Variants in LRP1B observed in about 807,000 individuals in gnomAD.
The protein encoded by LRP1B is low-density lipoprotein receptor-related protein 1B.
A neutral mutation model predicts 556.6 loss-of-function variants in LRP1B; 217 were observed. That is an observed-to-expected ratio of 0.39 (90% CI 0.35 to 0.44). The LOEUF (loss-of-function observed/expected upper bound fraction) is 0.44. LRP1B is among the 20% of genes least tolerant of loss of function. The pLI is 1.00. For missense variants in LRP1B, 5,053 were observed against 5,620.8 expected (o/e 0.90, Z 3.23); for synonymous variants, 2,047 against 1,865.8 (o/e 1.10, Z -2.50).
At chr2:141,858,658 A>T (rs1226943350) in intron 1 of LRP1B, among the ~76,000 whole-genome samples, 1 of 152,136 alleles carries the variant, frequency 6.6e-6, no homozygotes, top group Non-Finnish European at 1.5e-5. Flanking sequence ...AACAATAAGA[A>T]TAAGAACAAC....
chr2:141,864,806 C>T (rs935558040), intron 1 of LRP1B, among the ~76,000 whole-genome samples: 1 of 152,058 alleles, frequency 6.6e-6, no homozygotes, highest in Admixed American at 6.5e-5. Context: ...CACTTGAATC[C>T]AGGAGGCGGA....
At chr2:141,005,914 T>G (rs1275760186) in intron 14 of LRP1B, among the ~76,000 whole-genome samples, 1 of 151,952 alleles carries the variant, frequency 6.6e-6, no homozygotes, top group African/African-American at 2.4e-5. Flanking sequence ...GGCAGTGTAT[T>G]GAGGACTCCA....
chr2:141,573,312 A>G (rs1284186996), intron 2 of LRP1B, among the ~76,000 whole-genome samples: 1 of 152,194 alleles, frequency 6.6e-6, no homozygotes, highest in African/African-American at 2.4e-5. Flanking sequence ...ACACAGTTAC[A>G]TGGAAATTGA....
chr2:142,066,829 G>A (rs1299504120), intron 1 of LRP1B, among the ~76,000 whole-genome samples: 1 of 151,422 alleles, frequency 6.6e-6, no homozygotes, highest in Non-Finnish European at 1.5e-5. Flanking sequence ...ATTTGTATTT[G>A]TTCCCTATTT....
rs574289643 is a variant in LRP1B, at chr2:140,340,445, T to G, written c.11893-4607A>C. On this transcript the variant is annotated intron_variant, in intron 77 of 90. Coordinates refer to ENST00000389484, the MANE Select transcript of LRP1B (RefSeq NM_018557.3). Reference sequence around the variant, plus strand: ...TAATTGCTCATTTTTAGGCATTAGTTAGTGAGTGAATAATTTGTTGGTGCT... The same window carrying G: ...TAATTGCTCATTTTTAGGCATTAGTGAGTGAGTGAATAATTTGTTGGTGCT... Among the ~76,000 whole-genome samples the G allele has an allele frequency of 4.0e-5, 6 of 151,662 alleles. No homozygotes were observed. The South Asian group carries it at 1.0e-3, about 26-fold the overall frequency.
chr2:140,247,185 CA>C, intron 86 of LRP1B, 23 bp from the exon 87 acceptor site: 4 of 1,551,660 alleles, frequency 2.6e-6, no homozygotes, highest in Non-Finnish European at 3.6e-6. Flanking sequence ...AAACAACAAA[CA>C]AAACAGATCA....
chr2:141,708,686 G>GCCCTAGCA (rs1553451918), intron 2 of LRP1B, among the ~76,000 whole-genome samples: 1 of 151,280 alleles, frequency 6.6e-6, no homozygotes, highest in Non-Finnish European at 1.5e-5. Flanking sequence ...GTATTTTTAT[G>GCCCTAGCA]CATCAGAATG....
chr2:141,469,452 A>G (rs1304782311), intron 3 of LRP1B, among the ~76,000 whole-genome samples: 1 of 152,168 alleles, frequency 6.6e-6, no homozygotes, highest in Non-Finnish European at 1.5e-5. Context: ...GAGGCTAGAA[A>G]GTCCAAGATC....
chr2:141,741,941 C>T (rs1302586914), intron 2 of LRP1B, among the ~76,000 whole-genome samples: 2 of 152,102 alleles, frequency 1.3e-5, no homozygotes, highest in African/African-American at 4.8e-5. Flanking sequence ...AGATTTAAGT[C>T]TTTAATACAT....
In LRP1B at chr2:141,013,633, G is replaced by C. The variant is rs753131613; in HGVS notation, c.2303C>G (p.Thr768Arg). The change falls in exon 14 of 91, where the codon ACA (threonine) becomes AGA (arginine). Residue 768 changes from threonine to arginine, a missense_variant. By Grantham distance (71) the Thr-to-Arg change is moderately conservative (BLOSUM62 -1). Transcript: ENST00000389484. ...NGSIFQLDLI[T>R]SEVTLLRHER... ...ATGCCTCAGCAATGTCACCTCACTT[G>C]TTATCAAATCTAGTTGAAAAATGGA... 4 of 1,612,318 alleles carry C rather than the reference G, an allele frequency of 2.5e-6. No homozygotes were observed. Among genetic ancestry groups the C allele is most frequent in the Non-Finnish European group, 3.4e-6 (4 of 1,179,004 alleles).
intron 1 of LRP1B, among the ~76,000 whole-genome samples, chr2:141,921,201 A>G (rs907329767): frequency 1.3e-5 from 2 of 152,074 alleles, no homozygotes; most frequent in Non-Finnish European, 2.9e-5. Context: ...CAGTAAAAGA[A>G]ACTGCATTTT....
intron 90 of LRP1B, 56 bp from the exon 91 acceptor site, chr2:140,233,382 AT>A: frequency 7.9e-7 from 1 of 1,258,296 alleles, no homozygotes. Flanking sequence ...CACATTAATT[AT>A]TTACTTCCTA....
At chr2:140,370,634 A>G (rs983205595) in intron 71 of LRP1B, 76 bp downstream of exon 71, 13 of 1,554,818 alleles carry the variant, frequency 8.4e-6, no homozygotes, top group East Asian at 2.3e-5. Flanking sequence ...TGCCTCTAGC[A>G]TACACTGTAT....
chr2:140,975,032 G>T (rs573887785), intron 18 of LRP1B, among the ~76,000 whole-genome samples: 1 of 152,268 alleles, frequency 6.6e-6, no homozygotes, highest in South Asian at 2.1e-4. Context: ...CATTAAGAGA[G>T]CAGCCTGCTC....
chr2:141,181,429 A>G (rs1009263832), intron 7 of LRP1B, among the ~76,000 whole-genome samples: 4 of 151,990 alleles, frequency 2.6e-5, no homozygotes, highest in Non-Finnish European at 5.9e-5. Context: ...GGTAATTCAG[A>G]GAAGAAATCC....
chr2:140,422,829 A>G (rs1293667281), intron 66 of LRP1B, among the ~76,000 whole-genome samples: 1 of 152,140 alleles, frequency 6.6e-6, no homozygotes, highest in Non-Finnish European at 1.5e-5. Flanking sequence ...CTACACAAAC[A>G]TTCAATGAAC....
intron 2 of LRP1B, among the ~76,000 whole-genome samples, chr2:141,520,472 T>A (rs1684489101): frequency 6.6e-6 from 1 of 151,750 alleles, no homozygotes; most frequent in Non-Finnish European, 1.5e-5. Flanking sequence ...AAATCATCCC[T>A]GTTTTTTTTT....
intron 41 of LRP1B, among the ~76,000 whole-genome samples, chr2:140,604,216 T>C (rs1357461354): frequency 3.5e-5 from 5 of 142,710 alleles, no homozygotes; most frequent in African/African-American, 1.1e-4. Context: ...CCTTACCTCA[T>C]GCACTTGCCA....
At chr2:140,599,212 A>C (rs891266272) in intron 42 of LRP1B, among the ~76,000 whole-genome samples, 1 of 152,150 alleles carries the variant, frequency 6.6e-6, no homozygotes, top group Non-Finnish European at 1.5e-5. Flanking sequence ...CAGCTGATCC[A>C]GTACAATCAT....
Sources: gnomAD v4.1 joint callset for allele counts (sites outside exome capture counted in the v4.1 genomes callset) on GRCh38, gnomAD v4.1.1 for gene constraint, MANE v1.5 for transcripts, NCBI Gene and HGNC (gene_info 2026-07-23, HGNC 2026-07-21) for gene names.